The following DENND4A variants were observed in gnomAD, a reference collection of about 807,000 sequenced individuals.
DENND4A encodes the protein DENN domain containing 4A.
Under a neutral mutation model 199.3 loss-of-function variants are expected in DENND4A, and 70 were observed. The ratio of observed to expected loss-of-function variants is 0.35; its 90% CI spans 0.29 to 0.43. The LOEUF (loss-of-function observed/expected upper bound fraction) is 0.43. DENND4A is among the 20% of genes least tolerant of loss of function. The probability of loss-of-function intolerance (pLI) is 1.00; values close to 1 mark genes in which losing one functional copy is unlikely to be tolerated. For synonymous variants in DENND4A, 686 were observed against 766.9 expected, an observed-to-expected ratio of 0.89 and a Z score of 1.74; for missense variants, 1,723 against 2,255.8, an observed-to-expected ratio of 0.76 and a Z score of 4.78.
intron 22 of DENND4A, among the ~76,000 whole-genome samples, chr15:65,694,249 G>A (rs896099348): frequency 6.6e-6 from 1 of 152,160 alleles, no homozygotes; most frequent in African/African-American, 2.4e-5. Context: ...GGGAATTTGA[G>A]ACCAGCTTGG....
At chr15:65,723,097 C>CTTGTTTTTTGGCGG in intron 11 of DENND4A, 149 bp from the exon 12 acceptor site, 1 of 606,498 alleles carries the variant, frequency 1.6e-6, no homozygotes, top group Non-Finnish European at 2.6e-6. Context: ...GAGAAAAATC[C>CTTGTTTTTTGGCGG]TACAGGGGTA....
rs750008815 is a variant in DENND4A at position 65,677,477 on chromosome 15, G to C, written c.4180-843C>G. 2.0e-5 allele frequency among the ~76,000 whole-genome samples: 3 copies of C among 152,236 alleles called. No individual in the cohort carries two copies. In the South Asian group the frequency reaches 6.2e-4, roughly 32 times the overall value. Reference sequence around the variant, plus strand: ...ACCTGCCTTGGCCTCCCAAAGTGCTGGAATTACACGCCTGAGCCACCGTGC... The same window carrying C: ...ACCTGCCTTGGCCTCCCAAAGTGCTCGAATTACACGCCTGAGCCACCGTGC... On this transcript the variant is annotated intron_variant, in intron 23 of 32. Transcript: ENST00000443035.
chr15:65,676,035 TG>T (rs2076363924), intron 24 of DENND4A, among the ~76,000 whole-genome samples: 1 of 151,330 alleles, frequency 6.6e-6, no homozygotes, highest in African/African-American at 2.4e-5. Context: ...TGCTATGGGA[TG>T]ATATAGAATG....
chr15:65,771,319 G>A, intron 1 of DENND4A: 1 of 1,589,342 alleles, frequency 6.3e-7, no homozygotes, highest in Non-Finnish European at 8.6e-7. Context: ...CTTTCCAGCA[G>A]TTATTTCGAA....
intron 9 of DENND4A, among the ~76,000 whole-genome samples, chr15:65,730,787 C>T (rs552918426): frequency 6.6e-6 from 1 of 151,728 alleles, no homozygotes; most frequent in Non-Finnish European, 1.5e-5. Context: ...TTTAGGGTGA[C>T]GAAAATGTTC....
chr15:65,746,796 G>A lies in DENND4A; in HGVS notation c.562-5012C>T, dbSNP rs111967741. 5.1e-3 allele frequency among the ~76,000 whole-genome samples: 778 copies of A among 151,948 alleles called. 10 individuals are homozygous for A. Among genetic ancestry groups the A allele is most frequent in the African/African-American group, 0.018 (726 of 41,426 alleles). On this transcript the variant is annotated intron_variant, in intron 4 of 32. Coordinates refer to ENST00000443035, the MANE Select transcript of DENND4A (RefSeq NM_001320835.1). ...AAATACCCTTAAGGAGACTCAGCCA[G>A]GTGCAGTGGCTCACATCTGTAATCC...
chr15:65,752,129 G>GC (rs1397322145), intron 4 of DENND4A, among the ~76,000 whole-genome samples: 4 of 147,890 alleles, frequency 2.7e-5, no homozygotes, highest in Admixed American at 1.4e-4. Flanking sequence ...GTAGTGGGCG[G>GC]GGGGGGTGGG....
At chr15:65,776,997 A>G (rs941523389) in intron 1 of DENND4A, among the ~76,000 whole-genome samples, 2 of 151,970 alleles carry the variant, frequency 1.3e-5, no homozygotes, top group African/African-American at 4.8e-5. Flanking sequence ...GTGAAACCCC[A>G]TCTCTACTAA....
In DENND4A at chr15:65,757,037, C is replaced by CAAAT. The variant is rs537036343; in HGVS notation, c.-22-569_-22-566dup. Among the ~76,000 whole-genome samples, 774 of 151,970 alleles carry CAAAT rather than the reference C, an allele frequency of 5.1e-3. 6 individuals carry two copies. The highest frequency in any genetic ancestry group is 0.016 in the South Asian group (78 of 4,802). On this transcript the variant is annotated intron_variant, in intron 2 of 32. Coordinates refer to ENST00000443035, the MANE Select transcript of DENND4A (RefSeq NM_001320835.1). ...GGGTAAAAAGAGTGAAACTCCATCT[C>CAAAT]AAATAAATAAATAAATAAATAAATG...
At chr15:65,762,990 T>C (rs2076891122) in intron 1 of DENND4A, among the ~76,000 whole-genome samples, 1 of 152,194 alleles carries the variant, frequency 6.6e-6, no homozygotes, top group African/African-American at 2.4e-5. Flanking sequence ...GAATTCAATA[T>C]GCCAGTATCT....
intron 23 of DENND4A, among the ~76,000 whole-genome samples, chr15:65,680,027 A>T (rs961196128): frequency 1.3e-5 from 2 of 152,156 alleles, no homozygotes; most frequent in African/African-American, 2.4e-5. Flanking sequence ...CACTCTTAGT[A>T]CTTACAGATT....
At chr15:65,789,390 T>C (rs1320796293) in intron 1 of DENND4A, among the ~76,000 whole-genome samples, 2 of 152,016 alleles carry the variant, frequency 1.3e-5, no homozygotes, top group African/African-American at 4.8e-5. Flanking sequence ...ATTGGTCTTG[T>C]AGAATTCAAA....
At chr15:65,783,166 CT>C (rs1256982772) in intron 1 of DENND4A, among the ~76,000 whole-genome samples, 3 of 152,098 alleles carry the variant, frequency 2.0e-5, no homozygotes, top group African/African-American at 7.2e-5. Flanking sequence ...AAACTTGAAA[CT>C]GGAAACTCTA....
At chr15:65,678,036 T>C (rs2076444834) in intron 23 of DENND4A, among the ~76,000 whole-genome samples, 1 of 150,848 alleles carries the variant, frequency 6.6e-6, no homozygotes, top group South Asian at 2.1e-4. Context: ...CAAGTGATTC[T>C]CATGCCTCAG....
intron 17 of DENND4A, 141 bp downstream of exon 17, chr15:65,702,164 T>A: frequency 1.2e-6 from 1 of 805,674 alleles, no homozygotes; most frequent in Non-Finnish European, 2.0e-6. Flanking sequence ...TCTGGGAGGC[T>A]AAAATGGGAG....
chr15:65,750,493 T>C (rs1052142607), intron 4 of DENND4A, among the ~76,000 whole-genome samples: 3 of 150,582 alleles, frequency 2.0e-5, no homozygotes, highest in African/African-American at 4.9e-5. Flanking sequence ...AAATAAAAAG[T>C]GAAAAAAGAA....
intron 11 of DENND4A, among the ~76,000 whole-genome samples, chr15:65,724,677 G>C (rs1197685260): frequency 6.6e-6 from 1 of 152,084 alleles, no homozygotes; most frequent in East Asian, 1.9e-4. Context: ...CCACAAATGA[G>C]AATAAAAATA....
intron 23 of DENND4A, among the ~76,000 whole-genome samples, chr15:65,688,710 T>C (rs1464989924): frequency 1.3e-5 from 2 of 152,190 alleles, no homozygotes; most frequent in Non-Finnish European, 2.9e-5. Flanking sequence ...TCAGGAAATA[T>C]GGGGTTTCTC....
At chr15:65,784,655 T>C (rs1207364959) in intron 1 of DENND4A, among the ~76,000 whole-genome samples, 1 of 152,202 alleles carries the variant, frequency 6.6e-6, no homozygotes, top group Non-Finnish European at 1.5e-5. Flanking sequence ...ATACAGGTAG[T>C]ATTGTGCAAA....
Sources: gnomAD v4.1 joint callset for allele counts (sites outside exome capture counted in the v4.1 genomes callset) on GRCh38, gnomAD v4.1.1 for gene constraint, MANE v1.5 for transcripts, NCBI Gene and HGNC (gene_info 2026-07-23, HGNC 2026-07-21) for gene names.